The following PPM1B variants were observed in gnomAD, a reference collection of about 807,000 sequenced individuals.
PPM1B encodes protein phosphatase 1B.
In PPM1B, 22 loss-of-function variants were observed where a neutral mutation model predicts 43.0. That is an observed-to-expected ratio of 0.51 (90% CI 0.37 to 0.73). PPM1B has a LOEUF of 0.73. Ranked by LOEUF, PPM1B falls within the 30% of genes least tolerant of loss-of-function variation. The pLI, the probability that PPM1B is intolerant of heterozygous loss-of-function variation, is 0.00. For synonymous variants in PPM1B, 217 were observed against 197.9 expected (o/e 1.10, Z -0.81); for missense variants, 632 against 584.2 (o/e 1.08, Z -0.84).
chr2:44,202,071 A>T (rs770202907), intron 2 of PPM1B, 26 bp downstream of exon 2: 2 of 1,480,284 alleles, frequency 1.4e-6, no homozygotes, highest in East Asian at 4.7e-5. Flanking sequence ...TGTCATTAAA[A>T]TAACATGTTA....
At chr2:44,202,105 A>G (rs1192960245) in intron 2 of PPM1B, 60 bp downstream of exon 2, 1 of 1,409,252 alleles carries the variant, frequency 7.1e-7, no homozygotes, top group Non-Finnish European at 9.3e-7. Context: ...ACGGTAGGTA[A>G]AGTTAAGCTA....
In PPM1B at chr2:44,240,811, G is replaced by C. The variant is rs1670728042; in HGVS notation, n.1547-3417G>C. ...AAATGGAGGGAGCGCTAAGCTAAGA[G>C]AGTCCCGAGCTCCAGCAGCAGCCAG... On this transcript the variant is annotated intron_variant and non_coding_transcript_variant, in intron 5 of 5. Coordinates refer to the PPM1B transcript ENST00000378540. 1.4e-5 allele frequency among the ~76,000 whole-genome samples: 2 copies of C among 145,564 alleles called. 1 individual carries two copies. The highest frequency in any genetic ancestry group is 3.1e-5 in the Non-Finnish European group (2 of 65,296).
intron 5 of PPM1B, among the ~76,000 whole-genome samples, chr2:44,220,784 C>T (rs1669944545): frequency 6.6e-6 from 1 of 152,192 alleles, no homozygotes; most frequent in African/African-American, 2.4e-5. Flanking sequence ...AGTTCAGCTG[C>T]TTAAGCAGGG....
chr2:44,244,894 A>G (rs531772951), downstream of PPM1B, among the ~76,000 whole-genome samples: 29 of 150,530 alleles, frequency 1.9e-4, no homozygotes, highest in Middle Eastern at 3.4e-3. Context: ...ATATATATAC[A>G]TATACACATG....
At chr2:44,191,707 A>G (rs976108094) in intron 1 of PPM1B, among the ~76,000 whole-genome samples, 5 of 152,036 alleles carry the variant, frequency 3.3e-5, no homozygotes. Context: ...CTCTGGGTGG[A>G]TACTCTATAA....
chr2:44,178,190 G>C (rs906278244), intron 1 of PPM1B, among the ~76,000 whole-genome samples: 1 of 151,806 alleles, frequency 6.6e-6, no homozygotes, highest in African/African-American at 2.4e-5. Context: ...AAAGTGTTGT[G>C]ATTACAGGCG....
intron 5 of PPM1B, chr2:44,229,902 A>G: frequency 8.4e-7 from 1 of 1,196,996 alleles, no homozygotes; most frequent in East Asian, 2.7e-5. Flanking sequence ...GCAAAAAGTA[A>G]ATACAATTTT....
intron 3 of PPM1B, among the ~76,000 whole-genome samples, chr2:44,214,473 A>G (rs1669630578): frequency 6.6e-6 from 1 of 151,496 alleles, no homozygotes; most frequent in Non-Finnish European, 1.5e-5. Context: ...TGGGGGGGGC[A>G]TGGCAGTAGA....
At chr2:44,232,600 G>T (rs925517190), downstream of PPM1B, 3 of 1,284,168 alleles carry the variant, frequency 2.3e-6, no homozygotes, top group Admixed American at 1.2e-4. Context: ...TGAACTTTCG[G>T]CCCTAGAAAC....
chr2:44,179,725 C>G (rs1667770362), intron 1 of PPM1B, among the ~76,000 whole-genome samples: 1 of 152,086 alleles, frequency 6.6e-6, no homozygotes, highest in South Asian at 2.1e-4. Context: ...AGACTTTAAC[C>G]TGGCCGGGCA....
At chr2:44,212,809 G>T (rs1025018161) in intron 3 of PPM1B, among the ~76,000 whole-genome samples, 1 of 152,054 alleles carries the variant, frequency 6.6e-6, no homozygotes, top group African/African-American at 2.4e-5. Context: ...TGGAGATTGA[G>T]ACCATCCTGG....
chr2:44,214,292 A>G (rs1378742891), intron 3 of PPM1B, among the ~76,000 whole-genome samples: 2 of 151,818 alleles, frequency 1.3e-5, no homozygotes, highest in South Asian at 2.1e-4. Context: ...TATTAGCTCA[A>G]TCTCGTGACC....
At chr2:44,218,581 A>G (rs1203066090) in intron 5 of PPM1B, 44 bp downstream of exon 5, 3 of 1,307,114 alleles carry the variant, frequency 2.3e-6, no homozygotes, top group Non-Finnish European at 2.2e-6. Flanking sequence ...TAATTTCACA[A>G]TATAAATACT....
chr2:44,216,175 A>C (rs1669709020), intron 3 of PPM1B, among the ~76,000 whole-genome samples: 1 of 152,206 alleles, frequency 6.6e-6, no homozygotes, highest in Admixed American at 6.5e-5. Flanking sequence ...GGGACAAGAG[A>C]AGCCAAAATA....
chr2:44,188,721 T>C, intron 1 of PPM1B, among the ~76,000 whole-genome samples: 1 of 142,700 alleles, frequency 7.0e-6, no homozygotes, highest in African/African-American at 2.5e-5. Context: ...CTGCTTTCCT[T>C]CCTTCCTTCC....
chr2:44,228,418 C>G (rs1360038997), intron 5 of PPM1B, among the ~76,000 whole-genome samples: 11 of 152,094 alleles, frequency 7.2e-5, no homozygotes, highest in Non-Finnish European at 4.4e-5. Flanking sequence ...AAGGAATCCT[C>G]CTACCCGTCT....
chr2:44,243,389 T>TAA (rs1478820235), intron 5 of PPM1B, among the ~76,000 whole-genome samples: 4 of 152,352 alleles, frequency 2.6e-5, no homozygotes, highest in South Asian at 2.1e-4. Flanking sequence ...GTGTCATACT[T>TAA]TTACATTCAA....
chr2:44,218,588 T>C lies in PPM1B; in HGVS notation c.1134+51T>C, dbSNP rs536705509. 7 of 1,243,774 alleles carry C rather than the reference T, an allele frequency of 5.6e-6. No individual in the cohort carries two copies. In the African/African-American group the frequency reaches 9.2e-5, roughly 16 times the overall value. The allele number at this position is 1,243,774 out of a possible 1,614,324, so 77.0% of individuals were successfully genotyped here. On this transcript the variant is annotated intron_variant, in intron 5 of 5. Transcript: ENST00000282412. Reference sequence around the variant, plus strand: ...ATTTGAAGTAATTTCACAATATAAATACTAAATATGAATACATTCACATTA... The same window carrying C: ...ATTTGAAGTAATTTCACAATATAAACACTAAATATGAATACATTCACATTA...
At chr2:44,185,997 T>G (rs1668100642) in intron 1 of PPM1B, among the ~76,000 whole-genome samples, 1 of 152,154 alleles carries the variant, frequency 6.6e-6, no homozygotes, top group South Asian at 2.1e-4. Flanking sequence ...GAGCTACATG[T>G]TCTGTTTCTG....
Sources: allele counts gnomAD v4.1 joint callset (sites outside exome capture counted in the v4.1 genomes callset), GRCh38; gene constraint gnomAD v4.1.1; transcripts MANE v1.5; gene names NCBI Gene and HGNC (gene_info 2026-07-23, HGNC 2026-07-21).